The following EPHA5 variants were observed in gnomAD, a reference collection of about 807,000 sequenced individuals.
The protein encoded by EPHA5 is EPH receptor A5.
EPHA5 carries 60 observed loss-of-function variants against 105.0 expected under a neutral mutation model. The observed-to-expected ratio is 0.57, with a 90% CI of 0.46 to 0.71. The LOEUF (loss-of-function observed/expected upper bound fraction) is 0.71. EPHA5 is among the 30% of genes least tolerant of loss of function. EPHA5 has a pLI of 0.00. For synonymous variants in EPHA5, 513 were observed against 449.1 expected (o/e 1.14, Z -1.80); for missense variants, 1,218 against 1,274.7 (o/e 0.96, Z 0.68).
intron 3 of EPHA5, among the ~76,000 whole-genome samples, chr4:65,560,301 C>A (rs2149355911): frequency 6.6e-6 from 1 of 152,168 alleles, no homozygotes; most frequent in South Asian, 2.1e-4. Flanking sequence ...ATGTCTATAG[C>A]TAGTTTTCTA....
At chr4:65,530,924 A>G (rs1358506387) in intron 3 of EPHA5, among the ~76,000 whole-genome samples, 4 of 152,232 alleles carry the variant, frequency 2.6e-5, no homozygotes, top group Non-Finnish European at 5.9e-5. Flanking sequence ...TCAATGAGAT[A>G]TAAGTGAAAG....
Position 65,406,737 on chromosome 4 carries a change from G to T in EPHA5, c.1688-2258C>A, listed in dbSNP as rs28573157. Among the ~76,000 whole-genome samples, 994 of 151,956 alleles carry T rather than the reference G, an allele frequency of 6.5e-3. 13 individuals are homozygous for T. The highest frequency in any genetic ancestry group is 0.023 in the African/African-American group (955 of 41,460). ...TCCTTTCATTTTTTTAGAACAAACT[G>T]TTTAGCCCTTTGTTTGGATTTTATT... On this transcript the variant is annotated intron_variant, in intron 7 of 16. Transcript: ENST00000613740.
chr4:65,654,030 GT>G (rs1748845095), intron 1 of EPHA5, among the ~76,000 whole-genome samples: 1 of 151,952 alleles, frequency 6.6e-6, no homozygotes, highest in African/African-American at 2.4e-5. Flanking sequence ...GGAAAGTTTT[GT>G]TGTTTAAACT....
chr4:65,490,884 C>T (rs1731339762), intron 4 of EPHA5, among the ~76,000 whole-genome samples, 172 bp from the exon 5 acceptor site: 1 of 152,018 alleles, frequency 6.6e-6, no homozygotes, highest in African/African-American at 2.4e-5. Flanking sequence ...GGGGTTTATT[C>T]CCTATGGAAA....
chr4:65,569,290 T>C (rs1348673560), intron 3 of EPHA5, among the ~76,000 whole-genome samples: 1 of 151,582 alleles, frequency 6.6e-6, no homozygotes, highest in Non-Finnish European at 1.5e-5. Context: ...TCAATTTAAA[T>C]GGCTATTTTT....
intron 7 of EPHA5, 144 bp downstream of exon 7, chr4:65,414,139 GA>G: frequency 4.3e-6 from 3 of 703,362 alleles, no homozygotes; most frequent in Non-Finnish European, 4.8e-6. Context: ...TAGCATGACA[GA>G]TGCTTCCTAC....
At chr4:65,375,748 C>T (rs1718933470) in intron 8 of EPHA5, among the ~76,000 whole-genome samples, 1 of 150,338 alleles carries the variant, frequency 6.7e-6, no homozygotes, top group Non-Finnish European at 1.5e-5. Context: ...AATTCAATGA[C>T]CATTTTTAGT....
At chr4:65,535,610 G>A (rs1449866162) in intron 3 of EPHA5, among the ~76,000 whole-genome samples, 5 of 151,990 alleles carry the variant, frequency 3.3e-5, no homozygotes, top group Non-Finnish European at 7.4e-5. Flanking sequence ...ACACTATTAA[G>A]ATGCTGTTTT....
rs184366850 is a variant in EPHA5 at position 65,566,212 on chromosome 4, C to A, written c.910+35429G>T. Among the ~76,000 whole-genome samples the A allele has an allele frequency of 4.0e-3, 600 of 151,762 alleles. 5 individuals carry two copies. The highest frequency in any genetic ancestry group is 5.6e-3 in the Non-Finnish European group (376 of 67,706). Reference sequence around the variant, plus strand: ...TTTCTGTTTAGCAATTCCATTCATGCAACAAAGATGTTCAGTGTACATGTC... The same window carrying A: ...TTTCTGTTTAGCAATTCCATTCATGAAACAAAGATGTTCAGTGTACATGTC... On this transcript the variant is annotated intron_variant, in intron 3 of 16. Transcript: ENST00000613740.
At chr4:65,474,381 A>T (rs1162652490) in intron 5 of EPHA5, among the ~76,000 whole-genome samples, 2 of 152,274 alleles carry the variant, frequency 1.3e-5, no homozygotes, top group East Asian at 3.9e-4. Flanking sequence ...ACCAAAGCAA[A>T]TAAAATTCAC....
chr4:65,365,324 A>G, intron 10 of EPHA5, 122 bp from the exon 11 acceptor site: 1 of 806,826 alleles, frequency 1.2e-6, no homozygotes, highest in Non-Finnish European at 1.9e-6. Context: ...CAAACAAACA[A>G]ACAAACAAAA....
intron 1 of EPHA5, among the ~76,000 whole-genome samples, chr4:65,656,717 T>G (rs1272911248): frequency 6.6e-6 from 1 of 150,628 alleles, no homozygotes; most frequent in Non-Finnish European, 1.5e-5. Context: ...AGGGCTCAGG[T>G]TATTTTACCA....
intron 8 of EPHA5, among the ~76,000 whole-genome samples, chr4:65,389,155 G>A (rs1246681168): frequency 1.3e-5 from 2 of 152,022 alleles, no homozygotes; most frequent in African/African-American, 4.8e-5. Flanking sequence ...ATTTTTCCTT[G>A]CAGCAAATTA....
chr4:65,586,129 T>G (rs748536336), intron 3 of EPHA5, among the ~76,000 whole-genome samples: 1 of 151,782 alleles, frequency 6.6e-6, no homozygotes, highest in South Asian at 2.1e-4. Context: ...ATATAAGTAA[T>G]GAGAAAGTAT....
chr4:65,598,557 G>A (rs1743399998), intron 3 of EPHA5, among the ~76,000 whole-genome samples: 2 of 152,114 alleles, frequency 1.3e-5, no homozygotes, highest in South Asian at 4.1e-4. Flanking sequence ...ACTAACAGGA[G>A]TAGAAAAAAT....
At chr4:65,618,692 A>G (rs1745455297) in intron 2 of EPHA5, among the ~76,000 whole-genome samples, 2 of 152,200 alleles carry the variant, frequency 1.3e-5, no homozygotes, top group African/African-American at 4.8e-5. Flanking sequence ...TGTTTTTCTT[A>G]TATCTGGTGA....
Position 65,336,129 on chromosome 4 carries a change from T to C in EPHA5, c.2596-4A>G, listed in dbSNP as rs184264595. ...CTTCCTCTACCGCTTTAATCACCTG[T>C]ATAAAGCAAAACAGAACCAGCACCC... On this transcript the variant is annotated splice_region_variant and splice_polypyrimidine_tract_variant and intron_variant, in intron 14 of 16. Coordinates refer to ENST00000613740, the MANE Select transcript of EPHA5 (RefSeq NM_001281766.3). The C allele has an allele frequency of 6.3e-7, 1 of 1,595,000 alleles. No homozygotes were observed. Among genetic ancestry groups the C allele is most frequent in the Non-Finnish European group, 8.5e-7 (1 of 1,170,400 alleles).
At chr4:65,458,936 C>A (rs1471466881) in intron 5 of EPHA5, among the ~76,000 whole-genome samples, 1 of 151,966 alleles carries the variant, frequency 6.6e-6, no homozygotes, top group Non-Finnish European at 1.5e-5. Flanking sequence ...ATCAAAATAT[C>A]TTTCTCTTTT....
At chr4:65,326,200 T>A (rs1720066403) in intron 16 of EPHA5, among the ~76,000 whole-genome samples, 1 of 151,054 alleles carries the variant, frequency 6.6e-6, no homozygotes, top group Admixed American at 6.6e-5. Flanking sequence ...TTTTTAAATT[T>A]CCTTTTATGG....
Sources: gnomAD v4.1 joint callset for allele counts (sites outside exome capture counted in the v4.1 genomes callset) on GRCh38, gnomAD v4.1.1 for gene constraint, MANE v1.5 for transcripts, NCBI Gene and HGNC (gene_info 2026-07-23, HGNC 2026-07-21) for gene names.